Variants in CEP128 observed in about 807,000 individuals in gnomAD.
The protein encoded by CEP128 is centrosomal protein 128kDa.
CEP128 carries 132 observed loss-of-function variants against 156.7 expected under a neutral mutation model. The ratio of observed to expected loss-of-function variants is 0.84; its 90% CI spans 0.73 to 0.97. The LOEUF (loss-of-function observed/expected upper bound fraction) is 0.97, where lower values mean the gene tolerates loss of function less well. Among genes scored for constraint, CEP128 ranks in the 50% least tolerant of loss-of-function variants. The pLI is 0.00. For synonymous variants in CEP128, 469 were observed against 448.9 expected (o/e 1.04, Z -0.57); for missense variants, 1,252 against 1,281.9 (o/e 0.98, Z 0.36).
At chr14:80,874,867 C>G (rs1333789748) in intron 8 of CEP128, among the ~76,000 whole-genome samples, 1 of 152,242 alleles carries the variant, frequency 6.6e-6, no homozygotes, top group East Asian at 1.9e-4. Context: ...ATCCGCCCGC[C>G]TCAGCCTCCC....
At chr14:80,787,908 A>G (rs1026907087) in intron 14 of CEP128, among the ~76,000 whole-genome samples, 1 of 152,176 alleles carries the variant, frequency 6.6e-6, no homozygotes, top group African/African-American at 2.4e-5. Flanking sequence ...ATGGTTCAAG[A>G]AGAATCCCTC....
At position 80,914,465 on chromosome 14, in the gene CEP128, A is replaced by G. The variant is rs542864584; in HGVS notation, c.148-57T>C. ...TCCAAATACTTTTTTTTCCTAATCA[A>G]TCTTAGTAGTATGTCAATCAACTAA... is the stretch of plus-strand genomic sequence containing the variant. On this transcript the variant is annotated intron_variant, in intron 3 of 24. Transcript: ENST00000555265. 65 of 1,288,300 alleles carry G rather than the reference A, an allele frequency of 5.0e-5. No individual in the cohort carries two copies. The East Asian group carries it at 1.1e-3, about 22-fold the overall frequency. The allele number at this position is 1,288,300 out of a possible 1,614,324, so 79.8% of individuals were successfully genotyped here. A position where few individuals can be genotyped will look rare whatever the true frequency, so the allele number is the denominator to read the frequency against.
chr14:80,495,945 T>C (rs928257808), downstream of CEP128, among the ~76,000 whole-genome samples: 2 of 152,172 alleles, frequency 1.3e-5, no homozygotes, highest in African/African-American at 4.8e-5. Context: ...ATATAGTTTA[T>C]ATGGATCACC....
intron 13 of CEP128, among the ~76,000 whole-genome samples, chr14:80,815,078 A>G (rs1213306127): frequency 6.6e-6 from 1 of 152,138 alleles, no homozygotes; most frequent in African/African-American, 2.4e-5. Flanking sequence ...AAAGAAACAA[A>G]CAAAAAAAAA....
chr14:80,569,254 A>G (rs1388875208), intron 20 of CEP128, among the ~76,000 whole-genome samples: 2 of 152,240 alleles, frequency 1.3e-5, no homozygotes, highest in Admixed American at 6.5e-5. Flanking sequence ...TACCCAAATT[A>G]AAGTCACAAA....
chr14:80,687,560 C>T (rs1896570571), intron 19 of CEP128, among the ~76,000 whole-genome samples: 1 of 151,844 alleles, frequency 6.6e-6, no homozygotes, highest in Non-Finnish European at 1.5e-5. Context: ...AAGATGGTAG[C>T]AATAGACACT....
At chr14:80,680,603 C>A (rs75548389) in intron 19 of CEP128, among the ~76,000 whole-genome samples, 4,078 of 152,260 alleles carry the variant, frequency 0.027, 178 homozygotes, top group African/African-American at 0.093. Context: ...GTCCTACCCA[C>A]ACTGTGCAGA....
intron 13 of CEP128, among the ~76,000 whole-genome samples, chr14:80,809,745 C>T (rs11844724): frequency 0.065 from 9,873 of 151,794 alleles, 1,065 homozygotes; most frequent in African/African-American, 0.23. Context: ...AAAAGCATAA[C>T]CAATAATATT....
chr14:80,632,200 T>C (rs1393594590), intron 19 of CEP128, among the ~76,000 whole-genome samples: 1 of 152,052 alleles, frequency 6.6e-6, no homozygotes, highest in Admixed American at 6.5e-5. Flanking sequence ...TTCTTTTTAG[T>C]TTTCTATGTA....
intron 19 of CEP128, among the ~76,000 whole-genome samples, chr14:80,583,615 T>C (rs1415435966): frequency 1.3e-5 from 2 of 152,236 alleles, no homozygotes; most frequent in Non-Finnish European, 2.9e-5. Context: ...CTGTATTTTC[T>C]ACTATGTTGA....
intron 8 of CEP128, among the ~76,000 whole-genome samples, chr14:80,880,784 A>C (rs1888500066): frequency 6.7e-6 from 1 of 150,158 alleles, no homozygotes; most frequent in East Asian, 1.9e-4. Flanking sequence ...AATGGCGTGA[A>C]TCTCGGAGGT....
intron 24 of CEP128, among the ~76,000 whole-genome samples, chr14:80,504,648 G>A (rs757938849): frequency 3.9e-5 from 6 of 152,080 alleles, no homozygotes; most frequent in Non-Finnish European, 8.8e-5. Context: ...ATCTCCAAAC[G>A]AAAAATTTGC....
intron 19 of CEP128, among the ~76,000 whole-genome samples, chr14:80,730,464 A>T (rs1169475948): frequency 1.3e-5 from 2 of 152,220 alleles, no homozygotes; most frequent in African/African-American, 2.4e-5. Context: ...CCATTGACAG[A>T]CCCAGGTGAA....
chr14:80,549,690 T>C lies in CEP128; in HGVS notation c.2880+9589A>G, dbSNP rs1408126030. 2.0e-5 allele frequency among the ~76,000 whole-genome samples: 3 copies of C among 152,192 alleles called. 1 individual carries two copies. The East Asian group carries it at 5.8e-4, about 29-fold the overall frequency. On this transcript the variant is annotated intron_variant, in intron 21 of 24. Transcript: ENST00000555265. ...TTTCCTGAGTTGTACAGCGGCACTT[T>C]AGTAAGTACTCTAACTCATTTGGGT...
At chr14:80,511,922 C>T (rs1475390078) in intron 23 of CEP128, among the ~76,000 whole-genome samples, 3 of 151,790 alleles carry the variant, frequency 2.0e-5, no homozygotes, top group African/African-American at 7.3e-5. Flanking sequence ...AGTTTTATTC[C>T]CTTGCAGTCA....
At chr14:80,821,642 C>T (rs1309218178) in intron 13 of CEP128, among the ~76,000 whole-genome samples, 2 of 128,984 alleles carry the variant, frequency 1.6e-5, no homozygotes, top group African/African-American at 6.1e-5. Flanking sequence ...CACACACACA[C>T]ATGCACACAA....
At chr14:80,882,906 G>T (rs191510916) in intron 8 of CEP128, among the ~76,000 whole-genome samples, 35 of 152,232 alleles carry the variant, frequency 2.3e-4, no homozygotes, top group African/African-American at 8.4e-4. Context: ...GGCTGAAAGG[G>T]TAGTGGGAGG....
intron 2 of CEP128, among the ~76,000 whole-genome samples, chr14:80,957,351 CTTG>C (rs1363407216): frequency 6.6e-6 from 1 of 151,916 alleles, no homozygotes; most frequent in Non-Finnish European, 1.5e-5. Flanking sequence ...TTTCTTGTAA[CTTG>C]TTATTTATTT....
chr14:80,750,179 A>C (rs971336106), intron 18 of CEP128, among the ~76,000 whole-genome samples: 2 of 152,208 alleles, frequency 1.3e-5, no homozygotes, highest in African/African-American at 4.8e-5. Context: ...AGAAGTGGAC[A>C]GAAAATATGG....
Sources: allele counts gnomAD v4.1 joint callset (sites outside exome capture counted in the v4.1 genomes callset), GRCh38; gene constraint gnomAD v4.1.1; transcripts MANE v1.5; gene names NCBI Gene and HGNC (gene_info 2026-07-23, HGNC 2026-07-21).